The following SMIM13 variants were observed in gnomAD, a reference collection of about 807,000 sequenced individuals.
SMIM13 encodes small integral membrane protein 13, also known as UPF0766 protein C6orf228.
In SMIM13, 3 loss-of-function variants were observed where a neutral mutation model predicts 5.9. The observed-to-expected ratio is 0.51, with a 90% CI of 0.23 to 1.31. The LOEUF (loss-of-function observed/expected upper bound fraction) is 1.31. Ranked by LOEUF, SMIM13 falls within the 40% of genes most tolerant of loss-of-function variation. The pLI, the probability that SMIM13 is intolerant of heterozygous loss-of-function variation, is 0.18. For synonymous variants in SMIM13, 55 were observed against 46.0 expected, an observed-to-expected ratio of 1.19 and a Z score of -0.79; for missense variants, 85 against 109.9, an observed-to-expected ratio of 0.77 and a Z score of 1.01.
In SMIM13 at chr6:11,138,558, G is replaced by A. The variant is rs1758543425; in HGVS notation, c.*3956G>A. On this transcript the variant is annotated 3_prime_UTR_variant, in exon 2 of 2. Coordinates refer to ENST00000416247, the MANE Select transcript of SMIM13 (RefSeq NM_001135575.2). Reference sequence around the variant, plus strand: ...GGTTTATAAATAATTAGAATTACGTGTTTTAATAGTACCTTTGTATATATA... The same window carrying A: ...GGTTTATAAATAATTAGAATTACGTATTTTAATAGTACCTTTGTATATATA... The A allele has an allele frequency of 6.6e-6, 1 of 151,952 alleles. No homozygotes were observed. The highest frequency in any genetic ancestry group is 1.5e-5 in the Non-Finnish European group (1 of 68,002). The allele number at this position is 151,952 out of a possible 1,614,324, so 9.4% of individuals were successfully genotyped here. A position where few individuals can be genotyped will look rare whatever the true frequency, so the allele number is the denominator to read the frequency against.
rs1758310855 is a variant in SMIM13 at position 11,121,621 on chromosome 6, C to T, written c.77-12782C>T. 4.6e-5 allele frequency among the ~76,000 whole-genome samples: 7 copies of T among 152,312 alleles called. 1 individual carries two copies. The South Asian group carries it at 1.4e-3, about 32-fold the overall frequency. On this transcript the variant is annotated intron_variant, in intron 1 of 1. Transcript: ENST00000416247. ...CACCCCTCTGCTGTTATTTGGTGCT[C>T]TCTTACCAATATCATGTAAAGGGTG...
chr6:11,108,746 G>A (rs1348702436), intron 1 of SMIM13, among the ~76,000 whole-genome samples: 5 of 152,196 alleles, frequency 3.3e-5, no homozygotes, highest in African/African-American at 4.8e-5. Flanking sequence ...GTCAGGCATA[G>A]GGGTACTGGG....
chr6:11,122,026 A>C (rs1758316742), intron 1 of SMIM13, among the ~76,000 whole-genome samples: 1 of 152,098 alleles, frequency 6.6e-6, no homozygotes, highest in Non-Finnish European at 1.5e-5. Context: ...CCCCATGGGC[A>C]CCCCACTGCT....
At chr6:11,124,736 T>G (rs186628313) in intron 1 of SMIM13, among the ~76,000 whole-genome samples, 5 of 152,308 alleles carry the variant, frequency 3.3e-5, no homozygotes, top group African/African-American at 1.2e-4. Flanking sequence ...GATATCTCAT[T>G]GTAGTTTCGT....
Position 11,094,297 on chromosome 6 carries a change from G to T in SMIM13, c.-17G>T. 1 of 1,441,436 alleles carries T rather than the reference G, an allele frequency of 6.9e-7. No homozygotes were observed. Among genetic ancestry groups the T allele is most frequent in the Non-Finnish European group, 9.2e-7 (1 of 1,090,102 alleles). 89.3% of individuals were successfully genotyped at this position (1,441,436 alleles called of 1,614,324 possible). The stretch of plus-strand genomic sequence containing the variant: ...CCGCGCCAGCCGCCCCGAGCCGACT[G>T]CCCTTCTGCCCCCAAGATGTGGCAC... On this transcript the variant is annotated 5_prime_UTR_variant, in exon 1 of 2. Transcript: ENST00000416247.
At chr6:11,110,273 T>C (rs1302042229) in intron 1 of SMIM13, among the ~76,000 whole-genome samples, 5 of 152,146 alleles carry the variant, frequency 3.3e-5, no homozygotes, top group Non-Finnish European at 7.4e-5. Flanking sequence ...GCAGTGGTAA[T>C]CTGTTTTGTG....
intron 1 of SMIM13, among the ~76,000 whole-genome samples, chr6:11,101,101 C>G (rs1178874478): frequency 7.4e-6 from 1 of 134,382 alleles, no homozygotes; most frequent in Non-Finnish European, 1.6e-5. Flanking sequence ...TGGGTTGATT[C>G]TTTAATTTTA....
intron 1 of SMIM13, among the ~76,000 whole-genome samples, chr6:11,101,032 C>CTTTTTTTTTTTT (rs200622017): frequency 7.8e-6 from 1 of 127,500 alleles, no homozygotes; most frequent in Non-Finnish European, 1.7e-5. Context: ...TCTCCATTTT[C>CTTTTTTTTTTTT]TTTTTTTTTT....
chr6:11,103,745 CG>C (rs1254445393), intron 1 of SMIM13: 1 of 1,551,490 alleles, frequency 6.4e-7, no homozygotes, highest in Non-Finnish European at 8.7e-7. Context: ...CACTGAGATT[CG>C]TCTGGAGCTT....
chr6:11,116,449 AT>A (rs1758241691), intron 1 of SMIM13, among the ~76,000 whole-genome samples: 4 of 152,196 alleles, frequency 2.6e-5, no homozygotes, highest in African/African-American at 9.7e-5. Context: ...ATTTGACATA[AT>A]TTCTTTGTAA....
chr6:11,094,701 T>G (rs1261472423), intron 1 of SMIM13, among the ~76,000 whole-genome samples: 1 of 152,194 alleles, frequency 6.6e-6, no homozygotes, highest in Non-Finnish European at 1.5e-5. Context: ...ATTGTAACCT[T>G]GGCCTGCATT....
intron 1 of SMIM13, among the ~76,000 whole-genome samples, chr6:11,133,872 A>T (rs1228423987): frequency 4.6e-5 from 7 of 152,050 alleles, no homozygotes; most frequent in Non-Finnish European, 1.0e-4. Context: ...GTCTTTCATC[A>T]TATAATTTAA....
At position 11,135,621 on chromosome 6, in the gene SMIM13, G is replaced by T. The variant is rs910528223; in HGVS notation, c.*1019G>T. On this transcript the variant is annotated 3_prime_UTR_variant, in exon 2 of 2. Coordinates refer to ENST00000416247, the MANE Select transcript of SMIM13 (RefSeq NM_001135575.2). Reference sequence around the variant, plus strand: ...TTGACAACACCGGGAGAGACGTTCTGTGGAAAAATGCAGACATCAATGACT... The same window carrying T: ...TTGACAACACCGGGAGAGACGTTCTTTGGAAAAATGCAGACATCAATGACT... 3 of 152,636 alleles carry T rather than the reference G, an allele frequency of 2.0e-5. No homozygotes were observed. The highest frequency in any genetic ancestry group is 7.2e-5 in the African/African-American group (3 of 41,452). The allele number at this position is 152,636 out of a possible 1,614,324, so 9.5% of individuals were successfully genotyped here.
At chr6:11,129,906 A>G (rs1758429413) in intron 1 of SMIM13, among the ~76,000 whole-genome samples, 1 of 152,140 alleles carries the variant, frequency 6.6e-6, no homozygotes, top group Non-Finnish European at 1.5e-5. Flanking sequence ...GGCTTTAATA[A>G]TGGTTTTTTC....
At chr6:11,126,015 T>C (rs1425056756) in intron 1 of SMIM13, among the ~76,000 whole-genome samples, 1 of 152,212 alleles carries the variant, frequency 6.6e-6, no homozygotes, top group African/African-American at 2.4e-5. Flanking sequence ...TTTATTCTTT[T>C]TTCTTTTGTC....
Position 11,125,653 on chromosome 6 carries a change from C to T in SMIM13, c.77-8750C>T, listed in dbSNP as rs561394188. Among the ~76,000 whole-genome samples the T allele has an allele frequency of 1.9e-3, 293 of 152,284 alleles. 2 individuals are homozygous for T. The highest frequency in any genetic ancestry group is 6.8e-3 in the African/African-American group (283 of 41,566). On this transcript the variant is annotated intron_variant, in intron 1 of 1. Transcript: ENST00000416247. ...CAACAACAACAAAATGCCATGCCAC[C>T]CTCTCCTGACCTGTAAGGTTTCCAC... is the stretch of plus-strand genomic sequence containing the variant.
rs191132235 is a variant in SMIM13 at position 11,124,162 on chromosome 6, G to A, written c.77-10241G>A. ...TCCCACTCCCTGCCCCTTCAGTACCGTTCCCAGCCTCTGGGAGCTATCATT... is the reference window on the plus strand; with the variant it reads ...TCCCACTCCCTGCCCCTTCAGTACCATTCCCAGCCTCTGGGAGCTATCATT... On this transcript the variant is annotated intron_variant, in intron 1 of 1. Coordinates refer to ENST00000416247, the MANE Select transcript of SMIM13 (RefSeq NM_001135575.2). 1.1e-4 allele frequency among the ~76,000 whole-genome samples: 16 copies of A among 151,836 alleles called. No individual in the cohort carries two copies. In the East Asian group the frequency reaches 2.7e-3, roughly 26 times the overall value.
At chr6:11,100,309 C>T (rs1014589473) in intron 1 of SMIM13, among the ~76,000 whole-genome samples, 1 of 152,188 alleles carries the variant, frequency 6.6e-6, no homozygotes, top group African/African-American at 2.4e-5. Flanking sequence ...ATCCACCTGC[C>T]TCGGCCTCCC....
chr6:11,121,477 A>G (rs4711180), intron 1 of SMIM13, among the ~76,000 whole-genome samples: 23,876 of 152,078 alleles, frequency 0.16, 1,981 homozygotes, highest in Non-Finnish European at 0.18. Context: ...CTGTCCCCCA[A>G]AATACATATG....
Sources: gnomAD v4.1 joint callset for allele counts (sites outside exome capture counted in the v4.1 genomes callset) on GRCh38, gnomAD v4.1.1 for gene constraint, MANE v1.5 for transcripts, NCBI Gene and HGNC (gene_info 2026-07-23, HGNC 2026-07-21) for gene names.